The following DCAF11 variants were observed in gnomAD, a reference collection of about 807,000 sequenced individuals.
The protein encoded by DCAF11 is DDB1- and CUL4-associated factor 11.
Under a neutral mutation model 76.1 loss-of-function variants are expected in DCAF11, and 44 were observed. That is an observed-to-expected ratio of 0.58 (90% CI 0.45 to 0.74). The LOEUF is 0.74. Among genes scored for constraint, DCAF11 ranks in the 30% least tolerant of loss-of-function variants. The pLI, the probability that DCAF11 is intolerant of heterozygous loss-of-function variation, is 0.00. For synonymous variants in DCAF11, 258 were observed against 255.0 expected (o/e 1.01, Z -0.11); for missense variants, 604 against 709.4 (o/e 0.85, Z 1.69).
rs2037528301 is a variant in DCAF11 at position 24,115,465 on chromosome 14, C to T, written c.-130C>T. ...GATCTCAGCCCCGAGGAAGGGTCAC[C>T]CTCCTAGAGATAGCTACTACCCCGT... On this transcript the variant is annotated 5_prime_UTR_variant, in exon 2 of 15. Coordinates refer to ENST00000446197, the MANE Select transcript of DCAF11 (RefSeq NM_025230.5). 2 of 1,345,812 alleles carry T rather than the reference C, an allele frequency of 1.5e-6. No homozygotes were observed. Among genetic ancestry groups the T allele is most frequent in the Non-Finnish European group, 2.0e-6 (2 of 1,000,882 alleles). 83.4% of individuals were successfully genotyped at this position (1,345,812 alleles called of 1,614,324 possible). A position where few individuals can be genotyped will look rare whatever the true frequency, so the allele number is the denominator to read the frequency against.
rs762661664 is a variant in DCAF11, at chr14:24,117,783, T to G, written c.476+51T>G. The G allele has an allele frequency of 1.1e-5, 18 of 1,578,204 alleles. No individual in the cohort carries two copies. The East Asian group carries it at 4.1e-4, about 36-fold the overall frequency. ...CTCTAAGGGCCAGATAGGTCTTATC[T>G]CCTAAACTTTGAAGGGGTAGGTGTT... On this transcript the variant is annotated intron_variant, in intron 5 of 14. Coordinates refer to ENST00000446197, the MANE Select transcript of DCAF11 (RefSeq NM_025230.5). The surrounding 1 kb of genome is among the most constrained non-coding windows in gnomAD (Gnocchi z 4.3).
chr14:24,121,161 C>T (rs1287343778), intron 12 of DCAF11, among the ~76,000 whole-genome samples, 170 bp downstream of exon 12: 1 of 152,078 alleles, frequency 6.6e-6, no homozygotes, highest in Non-Finnish European at 1.5e-5. Flanking sequence ...CAGAATCAAC[C>T]AATATAAAAG....
chr14:24,115,856 A>G, intron 2 of DCAF11, 107 bp downstream of exon 2: 1 of 1,407,806 alleles, frequency 7.1e-7, no homozygotes, highest in Non-Finnish European at 9.6e-7. Flanking sequence ...CGCTCAGGAC[A>G]GCTGTTCTGT....
At chr14:24,118,320 G>A (rs2037620915) in intron 6 of DCAF11, 68 bp from the exon 7 acceptor site, 2 of 1,606,622 alleles carry the variant, frequency 1.2e-6, no homozygotes, top group Non-Finnish European at 1.7e-6. Context: ...CACTGAGTGG[G>A]AGATGTCTAA....
At position 24,115,446 on chromosome 14, in the gene DCAF11, A is replaced by C; in HGVS notation, c.-149A>C. On this transcript the variant is annotated 5_prime_UTR_variant, in exon 2 of 15. Coordinates refer to ENST00000446197, the MANE Select transcript of DCAF11 (RefSeq NM_025230.5). ...GCATAGGCTAAAGAAAAGGGATCTCAGCCCCGAGGAAGGGTCACCCTCCTA... is the reference window on the plus strand; with the variant it reads ...GCATAGGCTAAAGAAAAGGGATCTCCGCCCCGAGGAAGGGTCACCCTCCTA... The C allele has an allele frequency of 2.6e-6, 3 of 1,147,246 alleles. No homozygotes were observed. In the South Asian group the frequency reaches 5.3e-5, roughly 20 times the overall value. 71.1% of individuals were successfully genotyped at this position (1,147,246 alleles called of 1,614,324 possible). A position where few individuals can be genotyped will look rare whatever the true frequency, so the allele number is the denominator to read the frequency against.
In DCAF11 at chr14:24,123,224, A is replaced by C; in HGVS notation, c.1556A>C (p.Gln519Pro). ...LWQYRQAEYFQDDMPESEECA... is the reference protein window; with the variant it reads ...LWQYRQAEYFPDDMPESEECA... ...CAGTACCGCCAGGCTGAGTACTTCCAGGATGACATGCCAGAATCTGAGGAA... is the reference window on the plus strand; with the variant it reads ...CAGTACCGCCAGGCTGAGTACTTCCCGGATGACATGCCAGAATCTGAGGAA... Residue 519 changes from glutamine (Q) to proline (P), a missense_variant, in exon 15 of 15, where the codon CAG becomes CCG. Transcript: ENST00000446197. 1 of 1,584,742 alleles carries C rather than the reference A, an allele frequency of 6.3e-7. No homozygotes were observed. The highest frequency in any genetic ancestry group is 8.6e-7 in the Non-Finnish European group (1 of 1,163,712).
chr14:24,118,025 C>T (rs754161976), intron 5 of DCAF11, 30 bp from the exon 6 acceptor site: 6 of 1,497,290 alleles, frequency 4.0e-6, no homozygotes, highest in Middle Eastern at 1.7e-4. Flanking sequence ...CTGAGCACCC[C>T]TCACCCTCAC....
Position 24,117,645 on chromosome 14 carries a change from A to T in DCAF11, c.412-23A>T. On this transcript the variant is annotated intron_variant, in intron 4 of 14. Transcript: ENST00000446197. The surrounding 1 kb of genome is among the most constrained non-coding windows in gnomAD (Gnocchi z 4.3). ...GTGGCCCTCTATTTCTGCTAGCAAT[A>T]TTCCCCAATCCCTTCCATTTAGAGA... is the stretch of plus-strand genomic sequence containing the variant. 1 of 1,610,658 alleles carries T rather than the reference A, an allele frequency of 6.2e-7. No individual in the cohort carries two copies. Among genetic ancestry groups the T allele is most frequent in the Non-Finnish European group, 8.5e-7 (1 of 1,177,790 alleles).
Position 24,115,369 on chromosome 14 carries a change from C to T in DCAF11, c.-213-13C>T. 1 of 497,038 alleles carries T rather than the reference C, an allele frequency of 2.0e-6. No homozygotes were observed. The highest frequency in any genetic ancestry group is 3.4e-6 in the Non-Finnish European group (1 of 296,008). The allele number at this position is 497,038 out of a possible 1,614,324, so 30.8% of individuals were successfully genotyped here. A position where few individuals can be genotyped will look rare whatever the true frequency, so the allele number is the denominator to read the frequency against. Reference sequence around the variant, plus strand: ...GCGCACTACGGTTCACTCTTGCTTTCTTTGCTTCACAGGATTGGAGAAGGT... The same window carrying T: ...GCGCACTACGGTTCACTCTTGCTTTTTTTGCTTCACAGGATTGGAGAAGGT... On this transcript the variant is annotated splice_polypyrimidine_tract_variant and intron_variant, in intron 1 of 14. Transcript: ENST00000446197.
rs2037516596 is a variant in DCAF11 at position 24,115,166 on chromosome 14, G to T, written c.-341G>T. On this transcript the variant is annotated 5_prime_UTR_variant, in exon 1 of 15. Transcript: ENST00000446197. ...CTTTGAGTCCTAAGGCTTCTAATTG[G>T]TTAGATGAGATAAGCTAGTGAAGCG... 1 of 257,172 alleles carries T rather than the reference G, an allele frequency of 3.9e-6. No individual in the cohort carries two copies. Among genetic ancestry groups the T allele is most frequent in the Non-Finnish European group, 6.1e-6 (1 of 162,926 alleles). 15.9% of individuals were successfully genotyped at this position (257,172 alleles called of 1,614,324 possible). A position where few individuals can be genotyped will look rare whatever the true frequency, so the allele number is the denominator to read the frequency against.
At position 24,119,788 on chromosome 14, in the gene DCAF11, T is replaced by G; in HGVS notation, c.984T>G (p.Asp328Glu). The G allele has an allele frequency of 6.2e-7, 1 of 1,614,228 alleles. No individual in the cohort carries two copies. Among genetic ancestry groups the G allele is most frequent in the Non-Finnish European group, 8.5e-7 (1 of 1,180,034 alleles). Reference protein sequence around the residue: ...ISSQILFSGGDDAICKVWDRR... With the variant: ...ISSQILFSGGEDAICKVWDRR... ...CCCAAATCCTGTTCTCTGGGGGAGA[T>G]GATGCCATCTGCAAAGTGTGGGATC... Residue 328 changes from aspartate (D) to glutamate (E), a missense_variant, in exon 11 of 15, where the codon GAT (aspartate) becomes GAG (glutamate). Transcript: ENST00000446197.
In DCAF11 at chr14:24,124,367, C is replaced by G. The variant is rs926856488; in HGVS notation, c.*1058C>G. 1 of 152,254 alleles carries G rather than the reference C, an allele frequency of 6.6e-6. No homozygotes were observed. Among genetic ancestry groups the G allele is most frequent in the African/African-American group, 2.4e-5 (1 of 41,436 alleles). The allele number at this position is 152,254 out of a possible 1,614,324, so 9.4% of individuals were successfully genotyped here. ...GAAGAGGTAGCCCCTGAACGCAGAGCCTAAGAGAAGCAAGTCGGCCCTGAC... is the reference window on the plus strand; with the variant it reads ...GAAGAGGTAGCCCCTGAACGCAGAGGCTAAGAGAAGCAAGTCGGCCCTGAC... On this transcript the variant is annotated 3_prime_UTR_variant, in exon 15 of 15. Coordinates refer to ENST00000446197, the MANE Select transcript of DCAF11 (RefSeq NM_025230.5).
Position 24,117,577 on chromosome 14 carries a change from A to G in DCAF11, c.412-91A>G, listed in dbSNP as rs139933200. The G allele has an allele frequency of 1.9e-4, 289 of 1,540,398 alleles. No homozygotes were observed. In the African/African-American group the frequency reaches 3.6e-3, roughly 19 times the overall value. Reference sequence around the variant, plus strand: ...TATGATGTGTGTGTCCATTTCTATAACAAGAGCAATATCTTTGGAGGAGGG... The same window carrying G: ...TATGATGTGTGTGTCCATTTCTATAGCAAGAGCAATATCTTTGGAGGAGGG... On this transcript the variant is annotated intron_variant, in intron 4 of 14. Transcript: ENST00000446197. This position sits in a 1 kb window ranked among gnomAD's most constrained non-coding sequence, Gnocchi z 4.3.
rs998623487 is a variant in DCAF11 at position 24,115,099 on chromosome 14, G to A, written c.-408G>A. The A allele has an allele frequency of 2.3e-6, 2 of 857,156 alleles. No homozygotes were observed. The highest frequency in any genetic ancestry group is 5.2e-5 in the South Asian group (1 of 19,088). 53.1% of individuals were successfully genotyped at this position (857,156 alleles called of 1,614,324 possible). ...CTGTCACTGCTGCCGGCCTTTGTAAGGGGGCGCTCTGATTGGTCGATAAGG... is the reference window on the plus strand; with the variant it reads ...CTGTCACTGCTGCCGGCCTTTGTAAAGGGGCGCTCTGATTGGTCGATAAGG... On this transcript the variant is annotated 5_prime_UTR_variant, in exon 1 of 15. Transcript: ENST00000446197.
At chr14:24,122,451 C>T (rs1179375274) in intron 13 of DCAF11, among the ~76,000 whole-genome samples, 5 of 145,292 alleles carry the variant, frequency 3.4e-5, no homozygotes, top group Admixed American at 7.1e-5. Flanking sequence ...GATCGCGCCA[C>T]GGCACTCTAG....
Position 24,117,790 on chromosome 14 carries a change from C to A in DCAF11, c.476+58C>A. 1 of 1,557,450 alleles carries A rather than the reference C, an allele frequency of 6.4e-7. No homozygotes were observed. Among genetic ancestry groups the A allele is most frequent in the Non-Finnish European group, 8.8e-7 (1 of 1,134,918 alleles). On this transcript the variant is annotated intron_variant, in intron 5 of 14. Transcript: ENST00000446197. The surrounding 1 kb of genome is among the most constrained non-coding windows in gnomAD (Gnocchi z 4.3). ...GGCCAGATAGGTCTTATCTCCTAAA[C>A]TTTGAAGGGGTAGGTGTTAAAGGAG...
At chr14:24,116,885 T>G in intron 2 of DCAF11, 32 bp from the exon 3 acceptor site, 1 of 1,613,576 alleles carries the variant, frequency 6.2e-7, no homozygotes, top group Non-Finnish European at 8.5e-7. Flanking sequence ...GGGGAAGAAG[T>G]CCCCTCCTTT....
intron 8 of DCAF11, 71 bp from the exon 9 acceptor site, chr14:24,119,074 G>C (rs1391884470): frequency 3.1e-6 from 5 of 1,594,230 alleles, no homozygotes; most frequent in Non-Finnish European, 3.4e-6. Context: ...CCTTACAACC[G>C]TTGTCAGATT....
intron 2 of DCAF11, 33 bp from the exon 3 acceptor site, chr14:24,116,884 G>A (rs760869014): frequency 1.9e-6 from 3 of 1,613,678 alleles, no homozygotes; most frequent in Non-Finnish European, 2.5e-6. Flanking sequence ...GGGGGAAGAA[G>A]TCCCCTCCTT....
Sources: allele counts gnomAD v4.1 joint callset (sites outside exome capture counted in the v4.1 genomes callset), GRCh38; gene constraint gnomAD v4.1.1; non-coding constraint Gnocchi (gnomAD v3.1); transcripts MANE v1.5; gene names NCBI Gene and HGNC (gene_info 2026-07-23, HGNC 2026-07-21).